Variants in CACNB2 observed in about 807,000 individuals in gnomAD.
CACNB2 encodes voltage-dependent L-type calcium channel subunit beta-2.
Under a neutral mutation model 73.3 loss-of-function variants are expected in CACNB2, and 42 were observed. The ratio of observed to expected loss-of-function variants is 0.57; its 90% CI spans 0.45 to 0.74. CACNB2 has a LOEUF of 0.74. Among genes scored for constraint, CACNB2 ranks in the 30% least tolerant of loss-of-function variants. The pLI, the probability that CACNB2 is intolerant of heterozygous loss-of-function variation, is 0.00. For synonymous variants in CACNB2, 348 were observed against 310.3 expected (o/e 1.12, Z -1.28); for missense variants, 940 against 853.0 (o/e 1.10, Z -1.27).
At chr10:18,167,719 G>C (rs146049228) in intron 2 of CACNB2, among the ~76,000 whole-genome samples, 34 of 152,216 alleles carry the variant, frequency 2.2e-4, no homozygotes, top group Non-Finnish European at 3.5e-4. Flanking sequence ...AATGGCGCAG[G>C]GGGTAGCCGT....
chr10:18,303,256 A>T (rs1289931625), intron 2 of CACNB2, among the ~76,000 whole-genome samples: 2 of 152,194 alleles, frequency 1.3e-5, no homozygotes, highest in Admixed American at 6.5e-5. Flanking sequence ...TAATCCCAGC[A>T]CTTCGGGAGG....
At chr10:18,251,325 A>G (rs1221335465) in intron 2 of CACNB2, among the ~76,000 whole-genome samples, 2 of 151,550 alleles carry the variant, frequency 1.3e-5, no homozygotes, top group Non-Finnish European at 2.9e-5. Flanking sequence ...GCTCACTGCA[A>G]CCTCCACCTC....
intron 2 of CACNB2, among the ~76,000 whole-genome samples, chr10:18,368,757 G>A (rs1023327280): frequency 6.6e-6 from 1 of 151,970 alleles, no homozygotes; most frequent in Non-Finnish European, 1.5e-5. Context: ...TGTTATATAT[G>A]ATTATGCACA....
intron 2 of CACNB2, among the ~76,000 whole-genome samples, chr10:18,275,615 G>A (rs1046499322): frequency 3.3e-5 from 5 of 151,848 alleles, no homozygotes; most frequent in African/African-American, 1.2e-4. Flanking sequence ...TAAACTAAAA[G>A]TTGAAGATTT....
At chr10:18,148,923 G>T (rs1201088242) in intron 1 of CACNB2, among the ~76,000 whole-genome samples, 1 of 151,470 alleles carries the variant, frequency 6.6e-6, no homozygotes, top group Non-Finnish European at 1.5e-5. Flanking sequence ...AGCCCAGAGG[G>T]TGTGGGGTGT....
intron 2 of CACNB2, among the ~76,000 whole-genome samples, chr10:18,253,915 A>G (rs959312227): frequency 6.6e-6 from 1 of 152,178 alleles, no homozygotes; most frequent in Admixed American, 6.5e-5. Context: ...AATCTGAATG[A>G]TGGGTACAAT....
At chr10:18,454,729 G>A (rs900220962) in intron 3 of CACNB2, among the ~76,000 whole-genome samples, 3 of 152,208 alleles carry the variant, frequency 2.0e-5, no homozygotes, top group African/African-American at 4.8e-5. Context: ...GGAGACAGAT[G>A]ATACTGGTTT....
At chr10:18,437,576 A>G (rs1230853470) in intron 3 of CACNB2, among the ~76,000 whole-genome samples, 1 of 152,178 alleles carries the variant, frequency 6.6e-6, no homozygotes, top group South Asian at 2.1e-4. Flanking sequence ...TTCTCCACGC[A>G]TTTCACTGGC....
intron 1 of CACNB2, among the ~76,000 whole-genome samples, chr10:18,144,016 G>A (rs2030704363): frequency 2.6e-5 from 4 of 152,106 alleles, no homozygotes; most frequent in Admixed American, 6.6e-5. Context: ...CCAGTACATT[G>A]CCATAAACAA....
At chr10:18,436,521 A>G (rs888116732) in intron 3 of CACNB2, among the ~76,000 whole-genome samples, 10 of 152,236 alleles carry the variant, frequency 6.6e-5, no homozygotes, top group South Asian at 2.1e-4. Context: ...CTTGTAGGTA[A>G]AAATTGGCCC....
chr10:18,348,454 T>TGGAC (rs1310103953), intron 2 of CACNB2, among the ~76,000 whole-genome samples: 4 of 152,102 alleles, frequency 2.6e-5, no homozygotes, highest in Non-Finnish European at 5.9e-5. Context: ...AAAGGATGGA[T>TGGAC]GGACGGACGG....
At chr10:18,260,502 C>T (rs2037487565) in intron 2 of CACNB2, 1 of 985,448 alleles carries the variant, frequency 1.0e-6, no homozygotes, top group Non-Finnish European at 1.2e-6. Flanking sequence ...GTCCTGAGGC[C>T]ACTCTGGCGA....
At chr10:18,461,077 G>A (rs1196742587) in intron 3 of CACNB2, among the ~76,000 whole-genome samples, 1 of 151,982 alleles carries the variant, frequency 6.6e-6, no homozygotes, top group Non-Finnish European at 1.5e-5. Context: ...TTACAGTCAT[G>A]CGCCACCACG....
At chr10:18,281,922 G>T (rs2038564903) in intron 2 of CACNB2, among the ~76,000 whole-genome samples, 1 of 143,870 alleles carries the variant, frequency 7.0e-6, no homozygotes, top group South Asian at 2.3e-4. Context: ...GGAGGTTGCA[G>T]TGAGCCGAGA....
At chr10:18,430,949 A>G (rs1208981463) in intron 3 of CACNB2, among the ~76,000 whole-genome samples, 2 of 152,152 alleles carry the variant, frequency 1.3e-5, no homozygotes, top group African/African-American at 4.8e-5. Context: ...TTATATTTCT[A>G]TTTGATGCCT....
intron 2 of CACNB2, among the ~76,000 whole-genome samples, chr10:18,239,544 C>T (rs572037837): frequency 1.3e-5 from 2 of 152,210 alleles, no homozygotes; most frequent in South Asian, 4.2e-4. Flanking sequence ...GATATATACA[C>T]CCCACACATT....
chr10:18,256,637 G>T (rs1428074626), intron 2 of CACNB2: 1 of 152,052 alleles, frequency 6.6e-6, no homozygotes, highest in Non-Finnish European at 1.5e-5. Context: ...ACACTTTGAG[G>T]TGCTTTTAAA....
At chr10:18,461,977 G>T (rs1157743571) in intron 3 of CACNB2, among the ~76,000 whole-genome samples, 2 of 151,784 alleles carry the variant, frequency 1.3e-5, no homozygotes, top group African/African-American at 4.8e-5. Context: ...TTTCCATGTT[G>T]GTTGTTCACT....
intron 3 of CACNB2, among the ~76,000 whole-genome samples, chr10:18,487,905 G>A (rs1394244140): frequency 1.3e-5 from 2 of 151,542 alleles, no homozygotes; most frequent in African/African-American, 2.4e-5. Flanking sequence ...CCACACCAAG[G>A]ACCCTGCACA....
Sources: allele counts gnomAD v4.1 joint callset (sites outside exome capture counted in the v4.1 genomes callset), GRCh38; gene constraint gnomAD v4.1.1; transcripts MANE v1.5; gene names NCBI Gene and HGNC (gene_info 2026-07-23, HGNC 2026-07-21).